Variants in ENTPD5 observed in about 807,000 individuals in gnomAD.
ENTPD5 encodes the protein ectonucleoside triphosphate diphosphohydrolase 5 (inactive), also known as nucleoside diphosphate phosphatase ENTPD5.
ENTPD5 carries 49 observed loss-of-function variants against 60.2 expected under a neutral mutation model. The ratio of observed to expected loss-of-function variants is 0.81; its 90% confidence interval spans 0.65 to 1.03. The LOEUF is 1.03. Ranked by LOEUF, ENTPD5 falls within the 50% of genes least tolerant of loss-of-function variation. The probability of loss-of-function intolerance (pLI) is 0.00; values close to 1 mark genes in which losing one functional copy is unlikely to be tolerated. For synonymous variants in ENTPD5, 187 were observed against 185.4 expected, an observed-to-expected ratio of 1.01 and a Z score of -0.07; for missense variants, 480 against 507.6, an observed-to-expected ratio of 0.95 and a Z score of 0.52.
At chr14:73,995,094 G>C (rs995581025) in intron 3 of ENTPD5, among the ~76,000 whole-genome samples, 5 of 149,614 alleles carry the variant, frequency 3.3e-5, no homozygotes, top group Non-Finnish European at 5.9e-5. Flanking sequence ...TATCACCCAG[G>C]CTGGAGTGCA....
chr14:73,962,278 T>G (rs2056778584), downstream of ENTPD5, among the ~76,000 whole-genome samples: 1 of 152,160 alleles, frequency 6.6e-6, no homozygotes, highest in Non-Finnish European at 1.5e-5. Flanking sequence ...TTAATTTTCT[T>G]GGCTGTAAAA....
rs755401704 is a variant in ENTPD5, at chr14:73,987,982, T to C, written c.121A>G (p.Ile41Val). Reference sequence around the variant, plus strand: ...TACAAGGTGCTGGCGCTGACATTGATGGGGCACATGGAAGACAGGAAGATA... The same window carrying C: ...TACAAGGTGCTGGCGCTGACATTGACGGGGCACATGGAAGACAGGAAGATA... Reference protein sequence around the residue: ...EGIFLSSMCPINVSASTLYGI... With the variant: ...EGIFLSSMCPVNVSASTLYGI... Residue 41 changes from isoleucine to valine, a missense_variant, in exon 4 of 16, where the codon ATC becomes GTC. Coordinates refer to ENST00000334696, the MANE Select transcript of ENTPD5 (RefSeq NM_001249.5). 1.2e-6 allele frequency: 2 copies of C among 1,614,160 alleles called. No individual in the cohort carries two copies. Among genetic ancestry groups the C allele is most frequent in the Admixed American group, 3.3e-5 (2 of 60,020 alleles).
intron 15 of ENTPD5, among the ~76,000 whole-genome samples, chr14:73,969,362 TC>T (rs1433953186): frequency 6.6e-6 from 1 of 152,164 alleles, no homozygotes. Context: ...TCCAACTCTT[TC>T]CCCTTGCTTC....
At chr14:73,961,541 G>A, downstream of ENTPD5, 1 of 1,614,182 alleles carries the variant, frequency 6.2e-7, no homozygotes. Context: ...CATCACCTCA[G>A]TACGGCAGCC....
chr14:73,985,789 C>T (rs1194299841), intron 5 of ENTPD5, among the ~76,000 whole-genome samples: 1 of 151,946 alleles, frequency 6.6e-6, no homozygotes, highest in African/African-American at 2.4e-5. Flanking sequence ...TATATCCTCT[C>T]GGGGCCAGGT....
intron 1 of ENTPD5, among the ~76,000 whole-genome samples, chr14:74,018,146 A>T (rs114137215): frequency 0.018 from 2,743 of 150,658 alleles, 80 homozygotes; most frequent in African/African-American, 0.063. Flanking sequence ...GCCCCACTGC[A>T]CTCCAGCCTG....
rs940057172 is a variant in ENTPD5, at chr14:73,995,729, T to C, written c.-70-7557A>G. On this transcript the variant is annotated intron_variant, in intron 3 of 15. Coordinates refer to ENST00000334696, the MANE Select transcript of ENTPD5 (RefSeq NM_001249.5). Reference sequence around the variant, plus strand: ...TATAAAGGTGACATTTATCCAAATGTGTCAAGTTTTATATGCTACTCAAAA... The same window carrying C: ...TATAAAGGTGACATTTATCCAAATGCGTCAAGTTTTATATGCTACTCAAAA... Among the ~76,000 whole-genome samples, 3 of 152,148 alleles carry C rather than the reference T, an allele frequency of 2.0e-5. No homozygotes were observed. In the South Asian group the frequency reaches 6.2e-4, roughly 32 times the overall value.
chr14:73,987,554 T>C (rs1293947606), intron 4 of ENTPD5, among the ~76,000 whole-genome samples: 1 of 151,894 alleles, frequency 6.6e-6, no homozygotes, highest in Non-Finnish European at 1.5e-5. Flanking sequence ...AAGCCTGTAG[T>C]CTCAACAACT....
chr14:73,958,994 C>A (rs781215265), downstream of ENTPD5: 1 of 1,614,062 alleles, frequency 6.2e-7, no homozygotes, highest in South Asian at 1.1e-5. Context: ...GTCACAACTC[C>A]GGAGTACGGC....
intron 8 of ENTPD5, 43 bp downstream of exon 8, chr14:73,976,981 A>G: frequency 3.3e-6 from 5 of 1,536,004 alleles, no homozygotes; most frequent in Non-Finnish European, 4.5e-6. Context: ...CTATGCATGT[A>G]AAAGCTAGTT....
downstream of ENTPD5, chr14:73,961,237 G>A: frequency 6.2e-7 from 1 of 1,614,166 alleles, no homozygotes; most frequent in Non-Finnish European, 8.5e-7. Flanking sequence ...TATGCTGTCA[G>A]CCTTCTGAAG....
At chr14:74,018,140 C>A (rs2059110381) in intron 1 of ENTPD5, among the ~76,000 whole-genome samples, 1 of 150,924 alleles carries the variant, frequency 6.6e-6, no homozygotes, top group East Asian at 1.9e-4. Flanking sequence ...CGAGATGCCC[C>A]ACTGCACTCC....
At chr14:73,989,116 C>G (rs2058027859) in intron 3 of ENTPD5, among the ~76,000 whole-genome samples, 1 of 152,050 alleles carries the variant, frequency 6.6e-6, no homozygotes, top group African/African-American at 2.4e-5. Flanking sequence ...GCCACCACGC[C>G]CAGCCACTTT....
intron 5 of ENTPD5, among the ~76,000 whole-genome samples, chr14:73,984,935 T>C (rs976768280): frequency 1.3e-5 from 2 of 152,184 alleles, no homozygotes; most frequent in Admixed American, 6.5e-5. Flanking sequence ...TGTGTGATGT[T>C]CCCCACCCTG....
In ENTPD5 at chr14:74,005,127, A is replaced by G. The variant is rs142050398; in HGVS notation, c.-71+5964T>C. Among the ~76,000 whole-genome samples, 22 of 152,034 alleles carry G rather than the reference A, an allele frequency of 1.4e-4. 1 individual carries two copies. The highest frequency in any genetic ancestry group is 4.8e-4 in the African/African-American group (20 of 41,512). ...TAGAAATAAGCCAGGTTAGCTGGGC[A>G]TGATGGGACATGCCTGTAATCCCAG... On this transcript the variant is annotated intron_variant, in intron 3 of 15. Coordinates refer to ENST00000334696, the MANE Select transcript of ENTPD5 (RefSeq NM_001249.5).
In ENTPD5 at chr14:74,014,388, C is replaced by A. The variant is rs557566470; in HGVS notation, c.-131+1436G>T. On this transcript the variant is annotated intron_variant, in intron 2 of 15. Transcript: ENST00000334696. ...TGAGATCCAGTCTTTACTCCCCCCC[C>A]CCACAAAAAAAAGTTAGCTGGGCAT... 6.1e-3 allele frequency among the ~76,000 whole-genome samples: 886 copies of A among 144,974 alleles called. 8 individuals carry two copies. Among genetic ancestry groups the A allele is most frequent in the African/African-American group, 0.015 (537 of 36,448 alleles).
intron 3 of ENTPD5, among the ~76,000 whole-genome samples, chr14:74,003,754 C>T (rs1391120353): frequency 6.6e-6 from 1 of 151,682 alleles, no homozygotes; most frequent in Non-Finnish European, 1.5e-5. Flanking sequence ...TAAATCATCT[C>T]TTCTGCTGTC....
At position 73,963,708 on chromosome 14, in the gene ENTPD5, G is replaced by A. The variant is rs1259130317; in HGVS notation, c.*3220C>T. The A allele has an allele frequency of 1.3e-5, 2 of 152,628 alleles. No individual in the cohort carries two copies. The highest frequency in any genetic ancestry group is 2.9e-5 in the Non-Finnish European group (2 of 68,432). 9.5% of individuals were successfully genotyped at this position (152,628 alleles called of 1,614,324 possible). On this transcript the variant is annotated 3_prime_UTR_variant, in exon 16 of 16. Transcript: ENST00000334696. ...GTGGCAGACTGGTGGCCAACTGGAG[G>A]GAGGGGAGTTTTACTGTGGGTTTTT...
intron 3 of ENTPD5, among the ~76,000 whole-genome samples, chr14:74,008,189 C>T (rs1457664531): frequency 6.6e-6 from 1 of 151,838 alleles, no homozygotes; most frequent in Non-Finnish European, 1.5e-5. Context: ...CAAAGACTTA[C>T]ATATAATAAG....
Sources: allele counts gnomAD v4.1 joint callset (sites outside exome capture counted in the v4.1 genomes callset), GRCh38; gene constraint gnomAD v4.1.1; transcripts MANE v1.5; gene names NCBI Gene and HGNC (gene_info 2026-07-23, HGNC 2026-07-21).